SEL1L3: variants seen among roughly 807,000 people sequenced by gnomAD.
SEL1L3 encodes SEL1L family member 3.
Under a neutral mutation model 142.8 loss-of-function variants are expected in SEL1L3, and 76 were observed. The ratio of observed to expected loss-of-function variants is 0.53; its 90% CI spans 0.44 to 0.64. The LOEUF (loss-of-function observed/expected upper bound fraction) is 0.64. Among genes scored for constraint, SEL1L3 ranks in the 30% least tolerant of loss-of-function variants. The pLI is 0.00. For synonymous variants in SEL1L3, 504 were observed against 519.6 expected, an observed-to-expected ratio of 0.97 and a Z score of 0.41; for missense variants, 1,262 against 1,381.7, an observed-to-expected ratio of 0.91 and a Z score of 1.37.
At position 25,840,346 on chromosome 4, in the gene SEL1L3, A is replaced by G. The variant is rs555044738; in HGVS notation, c.734-5023T>C. 3.9e-5 allele frequency among the ~76,000 whole-genome samples: 6 copies of G among 152,330 alleles called. No homozygotes were observed. The East Asian group carries it at 1.2e-3, about 29-fold the overall frequency. On this transcript the variant is annotated intron_variant, in intron 2 of 23. Coordinates refer to ENST00000399878, the MANE Select transcript of SEL1L3 (RefSeq NM_015187.5). ...CCAAATATATAGTTTATAACTACTA[A>G]AAGTACTATCATGACATTGACTTGA...
rs548691902 is a variant in SEL1L3, at chr4:25,825,624, A to G, written c.1158-3496T>C. Among the ~76,000 whole-genome samples, 12 of 149,064 alleles carry G rather than the reference A, an allele frequency of 8.1e-5. No homozygotes were observed. In the East Asian group the frequency reaches 2.0e-3, roughly 24 times the overall value. ...TGCCCCCATGTCCCACAGAGTAACC[A>G]TCATCTTACAAGTCACTTCTTCAGG... is the stretch of plus-strand genomic sequence containing the variant. On this transcript the variant is annotated intron_variant, in intron 6 of 23. Coordinates refer to ENST00000399878, the MANE Select transcript of SEL1L3 (RefSeq NM_015187.5).
intron 2 of SEL1L3, among the ~76,000 whole-genome samples, chr4:25,839,592 G>C (rs1328197925): frequency 6.6e-6 from 1 of 152,190 alleles, no homozygotes; most frequent in Non-Finnish European, 1.5e-5. Context: ...CCTCTCATTT[G>C]TGCAGGAAGA....
Position 25,757,772 on chromosome 4 carries a change from G to A in SEL1L3, c.3102C>T (p.Asn1034=), listed in dbSNP as rs754923990. 24 of 1,583,718 alleles carry A rather than the reference G, an allele frequency of 1.5e-5. No individual in the cohort carries two copies. Among genetic ancestry groups the A allele is most frequent in the Non-Finnish European group, 2.0e-5 (23 of 1,165,538 alleles). ...AGGAGCAGGGGCTGAAGGACTCCTC[G>A]TTACTGTGGCTCCAGCACCTGCAGA... ...ELYERCWSHS[N]EESFSPCSLA... is the part of the protein sequence containing the mutation. The change falls in exon 22 of 24, where the codon AAC becomes AAT. Residue 1034 remains asparagine (N), a synonymous_variant. Coordinates refer to ENST00000399878, the MANE Select transcript of SEL1L3 (RefSeq NM_015187.5).
intron 11 of SEL1L3, among the ~76,000 whole-genome samples, chr4:25,793,033 T>G (rs1389746070): frequency 2.6e-5 from 4 of 152,248 alleles, no homozygotes; most frequent in African/African-American, 7.2e-5. Flanking sequence ...CTAATTGTTT[T>G]GCCCAGATTG....
chr4:25,733,046 A>G, the SEL1L3 span, among the ~76,000 whole-genome samples: 2 of 148,802 alleles, frequency 1.3e-5, no homozygotes, highest in Admixed American at 1.4e-4. Flanking sequence ...GCGCCTGGCG[A>G]GTCCTCTAAC....
At chr4:25,717,131 A>T in the SEL1L3 span, among the ~76,000 whole-genome samples, 2 of 152,090 alleles carry the variant, frequency 1.3e-5, no homozygotes, top group African/African-American at 4.8e-5. Flanking sequence ...TGTCTTGAAA[A>T]ACAAACAAAA....
At chr4:25,843,086 G>A (rs927926557) in intron 2 of SEL1L3, among the ~76,000 whole-genome samples, 3 of 152,172 alleles carry the variant, frequency 2.0e-5, no homozygotes, top group Admixed American at 2.0e-4. Context: ...TCCAGGAGAA[G>A]CAAGCGGGCC....
intron 23 of SEL1L3, among the ~76,000 whole-genome samples, chr4:25,754,896 T>A (rs1047346817): frequency 6.6e-6 from 1 of 152,210 alleles, no homozygotes; most frequent in African/African-American, 2.4e-5. Flanking sequence ...TATTGATTTT[T>A]AAAAATGTGT....
At chr4:25,850,345 T>C (rs1346436516) in intron 1 of SEL1L3, among the ~76,000 whole-genome samples, 1 of 152,162 alleles carries the variant, frequency 6.6e-6, no homozygotes, top group Admixed American at 6.5e-5. Flanking sequence ...AACAAGTAAA[T>C]GCTCATTCAT....
At chr4:25,784,945 T>C (rs1384977352) in intron 13 of SEL1L3, among the ~76,000 whole-genome samples, 1 of 152,220 alleles carries the variant, frequency 6.6e-6, no homozygotes, top group Non-Finnish European at 1.5e-5. Flanking sequence ...CACTGAAATG[T>C]CTGGAGGACA....
chr4:25,787,841 T>C (rs190510209), intron 13 of SEL1L3, among the ~76,000 whole-genome samples: 73 of 152,160 alleles, frequency 4.8e-4, no homozygotes. Flanking sequence ...ATCAGCAGGA[T>C]TGTTGGGATC....
intron 9 of SEL1L3, among the ~76,000 whole-genome samples, chr4:25,810,351 C>A (rs753462829): frequency 6.6e-6 from 1 of 152,140 alleles, no homozygotes; most frequent in African/African-American, 2.4e-5. Context: ...ACCAAGAGCC[C>A]GGACTGCCAC....
chr4:25,796,260 C>T (rs1447002208), intron 11 of SEL1L3, among the ~76,000 whole-genome samples: 9 of 152,008 alleles, frequency 5.9e-5, no homozygotes, highest in African/African-American at 1.4e-4. Context: ...CCACAGAGGG[C>T]GGTGCTCACA....
At chr4:25,795,287 T>C (rs1243349698) in intron 11 of SEL1L3, among the ~76,000 whole-genome samples, 14 of 152,196 alleles carry the variant, frequency 9.2e-5, no homozygotes, top group Admixed American at 9.2e-4. Flanking sequence ...TCTCAGTAAA[T>C]GACAACTCAT....
the SEL1L3 span, among the ~76,000 whole-genome samples, chr4:25,739,041 T>TA: frequency 7.7e-4 from 114 of 148,024 alleles, no homozygotes; most frequent in African/African-American, 2.1e-3. Context: ...CTGTCTCTAC[T>TA]AAAAAAAAAA....
chr4:25,814,741 A>C (rs567498719), intron 9 of SEL1L3, among the ~76,000 whole-genome samples: 1 of 152,280 alleles, frequency 6.6e-6, no homozygotes, highest in Non-Finnish European at 1.5e-5. Context: ...GATCAGAGTA[A>C]AGACGTGTTG....
the SEL1L3 span, among the ~76,000 whole-genome samples, chr4:25,733,540 G>C: frequency 3.2e-5 from 1 of 30,856 alleles, no homozygotes; most frequent in Non-Finnish European, 7.2e-5. Context: ...TTTTTTTTTT[G>C]AGATGGAGTC....
intron 1 of SEL1L3, among the ~76,000 whole-genome samples, chr4:25,858,020 A>T (rs1375347198): frequency 6.6e-6 from 1 of 152,252 alleles, no homozygotes; most frequent in Non-Finnish European, 1.5e-5. Flanking sequence ...GCCATTCCTC[A>T]TGGGCCGAAC....
At chr4:25,760,140 C>A (rs1016625217) in intron 20 of SEL1L3, among the ~76,000 whole-genome samples, 2 of 152,176 alleles carry the variant, frequency 1.3e-5, no homozygotes, top group South Asian at 2.1e-4. Context: ...GTGTTCTCAT[C>A]ATTTAGCTCC....
Sources: allele counts gnomAD v4.1 joint callset (sites outside exome capture counted in the v4.1 genomes callset), GRCh38; gene constraint gnomAD v4.1.1; transcripts MANE v1.5; gene names NCBI Gene and HGNC (gene_info 2026-07-23, HGNC 2026-07-21).